Variants in SETX observed in about 807,000 individuals in gnomAD.
SETX encodes the protein senataxin.
Under a neutral mutation model 227.2 loss-of-function variants are expected in SETX, and 90 were observed. The observed-to-expected ratio is 0.40, with a 90% confidence interval of 0.33 to 0.47. The LOEUF (loss-of-function observed/expected upper bound fraction) is 0.47, where lower values mean the gene tolerates loss of function less well. SETX is among the 20% of genes least tolerant of loss of function. The pLI is 0.91. For synonymous variants in SETX, 1,210 were observed against 1,113.2 expected (o/e 1.09, Z -1.73); for missense variants, 3,052 against 3,181.5 (o/e 0.96, Z 0.98).
intron 18 of SETX, 120 bp from the exon 19 acceptor site, chr9:132,283,533 T>G: frequency 8.0e-7 from 1 of 1,247,872 alleles, no homozygotes; most frequent in Non-Finnish European, 1.1e-6. Context: ...GAAAAATATT[T>G]AGTAAAAGTT....
intron 15 of SETX, among the ~76,000 whole-genome samples, chr9:132,293,568 C>T (rs1202696965): frequency 6.6e-6 from 1 of 152,050 alleles, no homozygotes; most frequent in Admixed American, 6.5e-5. Context: ...ATTACAGACC[C>T]GTGCCACGAC....
chr9:132,269,192 G>A (rs930603961), intron 25 of SETX, among the ~76,000 whole-genome samples: 2 of 152,254 alleles, frequency 1.3e-5, no homozygotes, highest in African/African-American at 4.8e-5. Flanking sequence ...GAGAAACAGA[G>A]TGAGCAGCAC....
intron 10 of SETX, among the ~76,000 whole-genome samples, chr9:132,314,383 C>T (rs1158628784): frequency 6.6e-6 from 1 of 152,210 alleles, no homozygotes; most frequent in Non-Finnish European, 1.5e-5. Flanking sequence ...GCCACCGTGC[C>T]CGGCCCACAT....
chr9:132,283,668 G>A (rs976108345), intron 18 of SETX, among the ~76,000 whole-genome samples: 6 of 152,124 alleles, frequency 3.9e-5, no homozygotes, highest in Non-Finnish European at 4.4e-5. Flanking sequence ...TTTATCCAGG[G>A]TTTGATTTGG....
At chr9:132,341,490 T>TC (rs1847959940) in intron 5 of SETX, among the ~76,000 whole-genome samples, 1 of 152,112 alleles carries the variant, frequency 6.6e-6, no homozygotes, top group Non-Finnish European at 1.5e-5. Context: ...TGGGCTGCTT[T>TC]CTATCCATCC....
intron 7 of SETX, among the ~76,000 whole-genome samples, chr9:132,334,106 T>C (rs1389825324): frequency 1.3e-5 from 2 of 152,226 alleles, no homozygotes; most frequent in South Asian, 2.1e-4. Context: ...CATGAAAAAG[T>C]AGATTAACTT....
At position 132,330,343 on chromosome 9, in the gene SETX, T is replaced by C. The variant is rs375259966; in HGVS notation, c.1255A>G (p.Met419Val). The C allele has an allele frequency of 6.2e-6, 10 of 1,613,922 alleles. No individual in the cohort carries two copies. Among genetic ancestry groups the C allele is most frequent in the African/African-American group, 2.7e-5 (2 of 74,928 alleles). Residue 419 changes from methionine to valine, a missense_variant, in exon 10 of 26, where the codon ATG becomes GTG. Met to Val is a conservative substitution (Grantham distance 21, BLOSUM62 1). Around this residue, in one of 10 missense-constraint regions of SETX, gnomAD observed 179 missense variants for 197.1 expected, o/e 0.91. Transcript: ENST00000224140. ...LWFIPFVQSL[M>V]DLKDLGVAYI... ...GCCACACCCAAATCCTTAAGATCCA[T>C]GAGGGACTGGACAAAAGGGATGAAC...
rs751095604 is a variant in SETX, at chr9:132,327,466, A to C, written c.4132T>G (p.Ser1378Ala). The C allele has an allele frequency of 1.2e-6, 2 of 1,614,078 alleles. No homozygotes were observed. The highest frequency in any genetic ancestry group is 1.6e-4 in the Middle Eastern group (1 of 6,062). The stretch of plus-strand genomic sequence containing the variant: ...ATGTCAGAATTCTGTGCTGTATGTG[A>C]CCCTGCTCTTTTAACATCTGTACTT... ...CESTDVKRAG[S>A]HTAQNSDIFV... is the part of the protein sequence containing the mutation. The change falls in exon 10 of 26, where the codon TCA becomes GCA. Residue 1378 changes from serine (S) to alanine (A), a missense_variant. By Grantham distance (99) the Ser-to-Ala change is moderately conservative. Around this residue, in one of 10 missense-constraint regions of SETX, gnomAD observed 1,483 missense variants for 1,312.0 expected, o/e 1.13. Coordinates refer to ENST00000224140, the MANE Select transcript of SETX (RefSeq NM_015046.7).
intron 25 of SETX, among the ~76,000 whole-genome samples, chr9:132,269,031 C>T (rs1300388031): frequency 6.6e-6 from 1 of 152,178 alleles, no homozygotes; most frequent in African/African-American, 2.4e-5. Context: ...AGTTATTACC[C>T]CTAATAAGAC....
intron 9 of SETX, 25 bp downstream of exon 9, chr9:132,331,027 T>A (rs762687671): frequency 1.3e-6 from 2 of 1,516,630 alleles, no homozygotes; most frequent in South Asian, 1.1e-5. Context: ...TAAAATAGCA[T>A]CTGAATTTTC....
rs12555324 is a variant in SETX at position 132,309,094 on chromosome 9, C to T, written c.5374+2663G>A. Reference sequence around the variant, plus strand: ...CAGAGGTTGCAGTGAGCCAGGATCGCGCCACTGCACTCCAGTCTGGGCGAC... The same window carrying T: ...CAGAGGTTGCAGTGAGCCAGGATCGTGCCACTGCACTCCAGTCTGGGCGAC... On this transcript the variant is annotated intron_variant, in intron 11 of 25. Coordinates refer to ENST00000224140, the MANE Select transcript of SETX (RefSeq NM_015046.7). Among the ~76,000 whole-genome samples, 113 of 152,142 alleles carry T rather than the reference C, an allele frequency of 7.4e-4. No individual in the cohort carries two copies. The East Asian group carries it at 9.3e-3, about 12-fold the overall frequency.
Position 132,327,293 on chromosome 9 carries a change from A to C in SETX, c.4305T>G (p.Asp1435Glu). Residue 1435 changes from aspartate (D) to glutamate (E), a missense_variant, in exon 10 of 26, where the codon GAT becomes GAG. Around this residue, in one of 10 missense-constraint regions of SETX, gnomAD observed 1,483 missense variants for 1,312.0 expected, o/e 1.13. Coordinates refer to ENST00000224140, the MANE Select transcript of SETX (RefSeq NM_015046.7). ...AATCACACTGGTTCAAAGGGCAAGCATCATCAGTTGCTGGAGACCCATGTT... is the reference window on the plus strand; with the variant it reads ...AATCACACTGGTTCAAAGGGCAAGCCTCATCAGTTGCTGGAGACCCATGTT... ...KAKHGSPATD[D>E]ACPLNQCDSV... 6.2e-7 allele frequency: 1 copy of C among 1,614,226 alleles called. No individual in the cohort carries two copies. The highest frequency in any genetic ancestry group is 8.5e-7 in the Non-Finnish European group (1 of 1,180,040).
At chr9:132,279,150 G>C (rs1030602307) in intron 20 of SETX, among the ~76,000 whole-genome samples, 14 of 152,120 alleles carry the variant, frequency 9.2e-5, no homozygotes, top group Non-Finnish European at 1.8e-4. Context: ...CAAATAATGG[G>C]TTATATTCTG....
Position 132,264,087 on chromosome 9 carries a change from A to C in SETX, c.*152T>G, listed in dbSNP as rs1842508169. ...CAAATGACAGAAAATACTGAAGATG[A>C]CCAGAGGCTCAGGTGTTAAGGATGC... On this transcript the variant is annotated 3_prime_UTR_variant, in exon 26 of 26. Transcript: ENST00000224140. 1 of 1,040,742 alleles carries C rather than the reference A, an allele frequency of 9.6e-7. No homozygotes were observed. Among genetic ancestry groups the C allele is most frequent in the African/African-American group, 1.6e-5 (1 of 63,214 alleles). 64.5% of individuals were successfully genotyped at this position (1,040,742 alleles called of 1,614,324 possible).
At chr9:132,265,895 C>T (rs10901150) in intron 25 of SETX, among the ~76,000 whole-genome samples, 25,006 of 152,112 alleles carry the variant, frequency 0.16, 2,123 homozygotes, top group East Asian at 0.29. Context: ...CTAAAGGCCT[C>T]CCAAACCCCG....
chr9:132,327,789 G>C lies in SETX; in HGVS notation c.3809C>G (p.Pro1270Arg), dbSNP rs144334281. ...AGGACACTGACGAAATTTCTTTGGCGGCACTATAGCAGGAGTTGTTCTACA... is the reference window on the plus strand; with the variant it reads ...AGGACACTGACGAAATTTCTTTGGCCGCACTATAGCAGGAGTTGTTCTACA... ...LSCRTTPAIV[P>R]PKKFRQCPEP... The change falls in exon 10 of 26, where the codon CCG (proline) becomes CGG (arginine). Residue 1270 changes from proline (P) to arginine (R), a missense_variant. Transcript: ENST00000224140. 6.2e-7 allele frequency: 1 copy of C among 1,614,088 alleles called. No individual in the cohort carries two copies. Among genetic ancestry groups the C allele is most frequent in the Non-Finnish European group, 8.5e-7 (1 of 1,180,018 alleles).
At chr9:132,346,211 T>C in intron 4 of SETX, 50 bp downstream of exon 4, 1 of 1,451,728 alleles carries the variant, frequency 6.9e-7, no homozygotes, top group Non-Finnish European at 9.7e-7. Context: ...ATTCTTATGG[T>C]ACTAAAATAA....
At position 132,327,175 on chromosome 9, in the gene SETX, T is replaced by C. The variant is rs376678876; in HGVS notation, c.4423A>G (p.Ile1475Val). The change falls in exon 10 of 26, where the codon ATA (isoleucine) becomes GTA (valine). Residue 1475 changes from isoleucine to valine, a missense_variant. Ile to Val is a conservative substitution (Grantham distance 29, BLOSUM62 3). Coordinates refer to ENST00000224140, the MANE Select transcript of SETX (RefSeq NM_015046.7). ...LGGGDPTARH[I>V]EMAALKEGEP... ...CCTTCTTTCAAAGCTGCCATCTCTA[T>C]ATGACGTGCTGTTGGATCACCTCCA... is the stretch of plus-strand genomic sequence containing the variant. 19 of 1,614,110 alleles carry C rather than the reference T, an allele frequency of 1.2e-5. No homozygotes were observed. The highest frequency in any genetic ancestry group is 5.3e-5 in the African/African-American group (4 of 74,940).
Position 132,277,921 on chromosome 9 carries a change from A to C in SETX, c.6842+149T>G, listed in dbSNP as rs1034998703. 12 of 759,588 alleles carry C rather than the reference A, an allele frequency of 1.6e-5. No homozygotes were observed. The African/African-American group carries it at 2.1e-4, about 13-fold the overall frequency. 47.1% of individuals were successfully genotyped at this position (759,588 alleles called of 1,614,324 possible). ...TTTTTTATGTGCTTTGCTGTATTCA[A>C]CATGATGGCTATTATAACAGGACAA... On this transcript the variant is annotated intron_variant, in intron 21 of 25. Transcript: ENST00000224140.
Sources: allele counts gnomAD v4.1 joint callset (sites outside exome capture counted in the v4.1 genomes callset), GRCh38; gene constraint gnomAD v4.1.1; regional missense constraint gnomAD v4.1.1; transcripts MANE v1.5; gene names NCBI Gene and HGNC (gene_info 2026-07-23, HGNC 2026-07-21).